Variants in ZNF493 observed in about 807,000 individuals in gnomAD.
ZNF493 encodes the protein zinc finger protein 493.
A neutral mutation model predicts 12.2 loss-of-function variants in ZNF493; 11 were observed. The observed-to-expected ratio is 0.90, with a 90% confidence interval of 0.57 to 1.50. The LOEUF is 1.50. Ranked by LOEUF, ZNF493 falls within the 40% of genes most tolerant of loss-of-function variation. The pLI, the probability that ZNF493 is intolerant of heterozygous loss-of-function variation, is 0.00. For missense variants in ZNF493, 950 were observed against 906.6 expected, an observed-to-expected ratio of 1.05 and a Z score of -0.61; for synonymous variants, 286 against 302.6, an observed-to-expected ratio of 0.95 and a Z score of 0.57.
At chr19:21,407,293 A>T (rs996484844) in intron 3 of ZNF493, among the ~76,000 whole-genome samples, 1 of 151,740 alleles carries the variant, frequency 6.6e-6, no homozygotes, top group Non-Finnish European at 1.5e-5. Context: ...AATTATTATT[A>T]TTATTTTTTT....
At chr19:21,405,519 G>T in intron 2 of ZNF493, 1 of 1,328,100 alleles carries the variant, frequency 7.5e-7, no homozygotes, top group Non-Finnish European at 9.6e-7. Flanking sequence ...ATAAAATATT[G>T]TTGTCCATAT....
intron 3 of ZNF493, chr19:21,408,628 A>T (rs2030216187): frequency 1.0e-6 from 1 of 985,162 alleles, no homozygotes; most frequent in Non-Finnish European, 1.2e-6. Flanking sequence ...TATGAGTTAA[A>T]CGTCTCTTCC....
Position 21,424,329 on chromosome 19 carries a change from C to T in ZNF493, c.1670C>T (p.Ser557Phe), listed in dbSNP as rs759066731. ...CEECGKAFNR[S>F]SHLTTHKRIH... ...GAATGTGGCAAAGCTTTTAATCGGT[C>T]CTCACACCTTACTACACATAAGAGA... Residue 557 changes from serine (S) to phenylalanine (F), a missense_variant, in exon 4 of 4, where the codon TCC becomes TTC. By Grantham distance (155) the Ser-to-Phe change is radical. Transcript: ENST00000392288. The T allele has an allele frequency of 6.2e-7, 1 of 1,612,916 alleles. No homozygotes were observed. The highest frequency in any genetic ancestry group is 1.1e-5 in the South Asian group (1 of 91,026).
chr19:21,423,165 C>G lies in ZNF493; in HGVS notation c.506C>G (p.Ser169Ter), dbSNP rs776732025. 1.9e-6 allele frequency: 3 copies of G among 1,613,290 alleles called. No homozygotes were observed. The highest frequency in any genetic ancestry group is 2.5e-6 in the Non-Finnish European group (3 of 1,179,718). The change falls in exon 4 of 4, where the codon TCA becomes TGA. Residue 169 changes from serine to a stop codon, truncating the protein, a stop_gained. Coordinates refer to ENST00000392288, the MANE Select transcript of ZNF493 (RefSeq NM_001076678.3). LOFTEE classifies it low-confidence loss of function (END_TRUNC). ...AAAGTCTTTCATAAACTTTTAAATTCAAATAGACATAACACAAAACATACT... is the reference window on the plus strand; with the variant it reads ...AAAGTCTTTCATAAACTTTTAAATTGAAATAGACATAACACAAAACATACT... ...YVKVFHKLLN[S>*]NRHNTKHTGK...
intron 1 of ZNF493, among the ~76,000 whole-genome samples, chr19:21,402,128 C>G (rs1008233638): frequency 3.3e-5 from 5 of 151,926 alleles, no homozygotes; most frequent in African/African-American, 1.2e-4. Context: ...CCATCACGAC[C>G]GGCTAATTTT....
At chr19:21,397,364 G>C (rs762098212) in intron 1 of ZNF493, 97 bp downstream of exon 1, 2 of 1,422,044 alleles carry the variant, frequency 1.4e-6, no homozygotes, top group Admixed American at 1.7e-5. Flanking sequence ...CCCGCAGTCA[G>C]CTCCACAATC....
At chr19:21,422,832 A>G (rs996770828) in intron 3 of ZNF493, 81 bp from the exon 4 acceptor site, 13 of 1,273,814 alleles carry the variant, frequency 1.0e-5, no homozygotes, top group Non-Finnish European at 1.4e-5. Flanking sequence ...TGCAGTTTGT[A>G]TAATATTATA....
chr19:21,419,869 GAA>G (rs2030603516), intron 3 of ZNF493, among the ~76,000 whole-genome samples: 1 of 152,104 alleles, frequency 6.6e-6, no homozygotes. Flanking sequence ...GGGTGAGAGG[GAA>G]GAGAGAGTAA....
At chr19:21,399,445 C>G (rs1464269474) in intron 1 of ZNF493, among the ~76,000 whole-genome samples, 1 of 151,950 alleles carries the variant, frequency 6.6e-6, no homozygotes, top group Non-Finnish European at 1.5e-5. Context: ...CAGGTGTGAG[C>G]CACCATGCCC....
At chr19:21,398,766 A>G (rs748709191) in intron 1 of ZNF493, 9 of 195,256 alleles carry the variant, frequency 4.6e-5, no homozygotes, top group East Asian at 3.4e-4. Flanking sequence ...TTGGAGACAA[A>G]TTGCTGGTCA....
rs1273526780 is a variant in ZNF493 at position 21,410,285 on chromosome 19, CAT to C, written c.253+4431_253+4432del. Reference sequence around the variant, plus strand: ...ATTCCATTTTTAATTATTTGAGAAACATAACATTTTAAAATAATGATTGTATC... The same window carrying C: ...ATTCCATTTTTAATTATTTGAGAAACAACATTTTAAAATAATGATTGTATC... On this transcript the variant is annotated intron_variant, in intron 3 of 3. Transcript: ENST00000392288. Among the ~76,000 whole-genome samples the C allele has an allele frequency of 2.6e-5, 4 of 151,924 alleles. No individual in the cohort carries two copies. In the South Asian group the frequency reaches 6.2e-4, roughly 24 times the overall value.
intron 1 of ZNF493, among the ~76,000 whole-genome samples, chr19:21,401,367 G>A (rs1240507748): frequency 6.6e-6 from 1 of 151,932 alleles, no homozygotes; most frequent in Non-Finnish European, 1.5e-5. Flanking sequence ...ATTTTCTTGA[G>A]GATATTTTCA....
Position 21,425,994 on chromosome 19 carries a change from A to C in ZNF493, c.*1010A>C. ...TCCTCAATTTTTACTAAACATAAGA[A>C]AATTCATACTGGAGAGAAACCCTAT... On this transcript the variant is annotated 3_prime_UTR_variant, in exon 4 of 4. Transcript: ENST00000392288. 1 of 614,034 alleles carries C rather than the reference A, an allele frequency of 1.6e-6. No homozygotes were observed. Among genetic ancestry groups the C allele is most frequent in the South Asian group, 1.4e-5 (1 of 69,556 alleles). 38.0% of individuals were successfully genotyped at this position (614,034 alleles called of 1,614,324 possible).
At chr19:21,405,348 A>G in intron 2 of ZNF493, 93 bp downstream of exon 2, 3 of 1,533,248 alleles carry the variant, frequency 2.0e-6, no homozygotes, top group Non-Finnish European at 2.6e-6. Flanking sequence ...TATGCTTTGC[A>G]TAAGTGAGTT....
rs1367088828 is a variant in ZNF493 at position 21,424,097 on chromosome 19, A to G, written c.1438A>G (p.Arg480Gly). 2.5e-6 allele frequency: 4 copies of G among 1,612,488 alleles called. No individual in the cohort carries two copies. The highest frequency in any genetic ancestry group is 1.7e-5 in the Admixed American group (1 of 59,798). Residue 480 changes from arginine to glycine, a missense_variant, in exon 4 of 4, where the codon AGG becomes GGG. Transcript: ENST00000392288. ...ACGATCTTCAACCCTTACTAAACAT[A>G]GGATAATTCATACTGAAGAGAAACC... ...FKRSSTLTKH[R>G]IIHTEEKPYK...
intron 3 of ZNF493, among the ~76,000 whole-genome samples, chr19:21,406,749 A>G (rs1340040359): frequency 1.3e-5 from 2 of 151,564 alleles, no homozygotes; most frequent in African/African-American, 2.4e-5. Context: ...TTTTTTTCTC[A>G]TAATTAATTT....
At chr19:21,404,087 A>G (rs2030037100) in intron 1 of ZNF493, among the ~76,000 whole-genome samples, 3 of 152,218 alleles carry the variant, frequency 2.0e-5, no homozygotes, top group Admixed American at 2.0e-4. Context: ...CAGGATTAAT[A>G]AAATGCTTAT....
In ZNF493 at chr19:21,424,443, A is replaced by G. The variant is rs753806034; in HGVS notation, c.1784A>G (p.His595Arg). 2.5e-6 allele frequency: 4 copies of G among 1,613,484 alleles called. No individual in the cohort carries two copies. Among genetic ancestry groups the G allele is most frequent in the Middle Eastern group, 1.7e-4 (1 of 6,058 alleles). The change falls in exon 4 of 4, where the codon CAT (histidine) becomes CGT (arginine). Residue 595 changes from histidine (H) to arginine (R), a missense_variant. His to Arg is a conservative substitution (Grantham distance 29). Coordinates refer to ENST00000392288, the MANE Select transcript of ZNF493 (RefSeq NM_001076678.3). ...ACCCTTACTAAACACAAGATAATTC[A>G]TACTGATAAGAAACCCTACAAATGT... ...FSTLTKHKIIHTDKKPYKCEE... is the reference protein window; with the variant it reads ...FSTLTKHKIIRTDKKPYKCEE...
At chr19:21,399,621 CA>C (rs1172167550) in intron 1 of ZNF493, among the ~76,000 whole-genome samples, 1 of 152,104 alleles carries the variant, frequency 6.6e-6, no homozygotes, top group African/African-American at 2.4e-5. Flanking sequence ...ATTTGGGTTT[CA>C]AAAAATTATA....
Sources: allele counts gnomAD v4.1 joint callset (sites outside exome capture counted in the v4.1 genomes callset), GRCh38; gene constraint gnomAD v4.1.1; transcripts MANE v1.5; gene names NCBI Gene and HGNC (gene_info 2026-07-23, HGNC 2026-07-21).